SBF2: variants seen among roughly 807,000 people sequenced by gnomAD.
SBF2 encodes SET binding factor 2.
Under a neutral mutation model 225.2 loss-of-function variants are expected in SBF2, and 112 were observed. The ratio of observed to expected loss-of-function variants is 0.50; its 90% CI spans 0.43 to 0.58. The LOEUF (loss-of-function observed/expected upper bound fraction) is 0.58, where lower values mean the gene tolerates loss of function less well. Among genes scored for constraint, SBF2 ranks in the 20% least tolerant of loss-of-function variants. SBF2 has a pLI of 0.00. For synonymous variants in SBF2, 763 were observed against 773.3 expected (o/e 0.99, Z 0.22); for missense variants, 1,996 against 2,206.2 (o/e 0.90, Z 1.91).
rs751764747 is a variant in SBF2, at chr11:9,959,495, G to A, written c.1860+2462C>T. On this transcript the variant is annotated intron_variant, in intron 16 of 39. Transcript: ENST00000256190. Reference sequence around the variant, plus strand: ...CTCAAATTGGTCTCTGCAGGCTTTCGATTGCACTTGAAAACTTCACAGAAC... The same window carrying A: ...CTCAAATTGGTCTCTGCAGGCTTTCAATTGCACTTGAAAACTTCACAGAAC... 7.1e-6 allele frequency: 6 copies of A among 841,858 alleles called. No homozygotes were observed. In the East Asian group the frequency reaches 9.7e-5, roughly 14 times the overall value. 52.1% of individuals were successfully genotyped at this position (841,858 alleles called of 1,614,324 possible). A position where few individuals can be genotyped will look rare whatever the true frequency, so the allele number is the denominator to read the frequency against.
chr11:9,936,840 T>C (rs1217814390), intron 16 of SBF2, among the ~76,000 whole-genome samples: 2 of 152,054 alleles, frequency 1.3e-5, no homozygotes, highest in African/African-American at 4.8e-5. Context: ...TTAGGAGAAA[T>C]ACCTAATGTA....
intron 17 of SBF2, among the ~76,000 whole-genome samples, chr11:9,886,700 T>C (rs576161953): frequency 3.3e-5 from 1 of 30,706 alleles, no homozygotes; most frequent in East Asian, 3.4e-4. Context: ...GATTCATGTG[T>C]TTTTTTTTTG....
At chr11:9,887,774 G>GA (rs964273544) in intron 17 of SBF2, among the ~76,000 whole-genome samples, 9 of 149,212 alleles carry the variant, frequency 6.0e-5, no homozygotes, top group African/African-American at 7.4e-5. Flanking sequence ...AAAAAACGAT[G>GA]AAAAAAAACC....
chr11:10,202,507 C>A (rs551108698), intron 1 of SBF2, among the ~76,000 whole-genome samples: 4 of 152,260 alleles, frequency 2.6e-5, no homozygotes, highest in Admixed American at 2.6e-4. Context: ...CAAAACTGGC[C>A]GAGCGAGGGG....
intron 16 of SBF2, among the ~76,000 whole-genome samples, chr11:9,954,711 A>G (rs895194460): frequency 9.2e-5 from 14 of 152,152 alleles, no homozygotes; most frequent in Admixed American, 7.9e-4. Flanking sequence ...AAAAAACTCC[A>G]TGTCTTTTTG....
intron 16 of SBF2, among the ~76,000 whole-genome samples, chr11:9,952,357 T>A (rs979752142): frequency 6.6e-6 from 1 of 152,178 alleles, no homozygotes; most frequent in African/African-American, 2.4e-5. Context: ...GGGAGGGGGA[T>A]CCAACAGAAT....
chr11:9,788,602 T>C (rs1852526533), intron 35 of SBF2, among the ~76,000 whole-genome samples: 1 of 150,944 alleles, frequency 6.6e-6, no homozygotes, highest in Non-Finnish European at 1.5e-5. Flanking sequence ...TTTTTTTTTT[T>C]TTTTTTTACT....
intron 1 of SBF2, among the ~76,000 whole-genome samples, chr11:10,236,908 G>A (rs1238995968): frequency 6.6e-6 from 1 of 152,184 alleles, no homozygotes; most frequent in Admixed American, 6.5e-5. Flanking sequence ...AGGCATTAAT[G>A]AGTCAAGAAA....
intron 1 of SBF2, among the ~76,000 whole-genome samples, chr11:10,300,312 A>C (rs1964582949): frequency 6.6e-6 from 1 of 152,148 alleles, no homozygotes; most frequent in Non-Finnish European, 1.5e-5. Flanking sequence ...ATAATATATA[A>C]TCAGTAAATA....
chr11:9,974,608 C>T (rs1231712658), intron 13 of SBF2, among the ~76,000 whole-genome samples: 2 of 150,962 alleles, frequency 1.3e-5, no homozygotes, highest in Non-Finnish European at 3.0e-5. Context: ...TGAGATACCA[C>T]CACATACCTG....
chr11:10,268,006 A>C (rs966010969), intron 1 of SBF2, among the ~76,000 whole-genome samples: 7 of 152,180 alleles, frequency 4.6e-5, no homozygotes, highest in Non-Finnish European at 7.3e-5. Context: ...ATCTGTCTCC[A>C]AAGAAAAACA....
intron 17 of SBF2, among the ~76,000 whole-genome samples, chr11:9,873,905 C>T (rs1205513157): frequency 1.3e-5 from 2 of 150,564 alleles, no homozygotes; most frequent in African/African-American, 4.9e-5. Flanking sequence ...AAAAATTAGC[C>T]GGGCCTGGTG....
chr11:9,915,110 G>A (rs946192874), intron 16 of SBF2, among the ~76,000 whole-genome samples: 1 of 152,148 alleles, frequency 6.6e-6, no homozygotes, highest in African/African-American at 2.4e-5. Flanking sequence ...GAGACAGAAG[G>A]ATATGCTAGA....
At chr11:9,997,517 G>A (rs1264351682) in intron 9 of SBF2, among the ~76,000 whole-genome samples, 2 of 152,164 alleles carry the variant, frequency 1.3e-5, no homozygotes, top group African/African-American at 2.4e-5. Flanking sequence ...GGTGGCTCAC[G>A]CCTGTAATCC....
intron 6 of SBF2, among the ~76,000 whole-genome samples, chr11:10,023,760 T>G (rs1173408953): frequency 1.3e-5 from 2 of 152,236 alleles, no homozygotes; most frequent in East Asian, 3.8e-4. Flanking sequence ...AATTTGTTTA[T>G]CCATTCATCA....
At chr11:9,822,211 C>T (rs1040942260) in intron 28 of SBF2, among the ~76,000 whole-genome samples, 19 of 151,398 alleles carry the variant, frequency 1.3e-4, no homozygotes, top group African/African-American at 4.4e-4. Flanking sequence ...TGCTTAATCA[C>T]ACAGTAAGTA....
chr11:10,254,939 A>AAAAAAT (rs1960737355), intron 1 of SBF2, among the ~76,000 whole-genome samples: 3 of 113,920 alleles, frequency 2.6e-5, no homozygotes, highest in African/African-American at 9.5e-5. Flanking sequence ...AAAAAAAAAA[A>AAAAAAT]TCCTATTATT....
chr11:9,834,542 C>T (rs529713591), intron 26 of SBF2, among the ~76,000 whole-genome samples: 1 of 152,186 alleles, frequency 6.6e-6, no homozygotes, highest in Non-Finnish European at 1.5e-5. Flanking sequence ...CCTTCAACTA[C>T]TTTACTGAAT....
rs114679581 is a variant in SBF2, at chr11:9,914,592, G to A, written c.1861-18581C>T. ...TGCAAAACTATAAAACTCCTAGAAG[G>A]TTACACAGGGGAAAATACAGACAAC... is the stretch of plus-strand genomic sequence containing the variant. On this transcript the variant is annotated intron_variant, in intron 16 of 39. Transcript: ENST00000256190. Among the ~76,000 whole-genome samples the A allele has an allele frequency of 3.9e-3, 589 of 152,200 alleles. 1 individual carries two copies. Among genetic ancestry groups the A allele is most frequent in the African/African-American group, 0.014 (566 of 41,516 alleles).
Sources: allele counts gnomAD v4.1 joint callset (sites outside exome capture counted in the v4.1 genomes callset), GRCh38; gene constraint gnomAD v4.1.1; transcripts MANE v1.5; gene names NCBI Gene and HGNC (gene_info 2026-07-23, HGNC 2026-07-21).